Variants in CNBD2 observed in about 807,000 individuals in gnomAD.
CNBD2 encodes cyclic nucleotide binding domain containing 2.
CNBD2 carries 64 observed loss-of-function variants against 63.7 expected under a neutral mutation model. The ratio of observed to expected loss-of-function variants is 1.00; its 90% confidence interval spans 0.82 to 1.24. CNBD2 has a LOEUF of 1.24. Among genes scored for constraint, CNBD2 ranks in the 50% most tolerant of loss-of-function variants. The pLI is 0.00. For synonymous variants in CNBD2, 229 were observed against 255.4 expected, an observed-to-expected ratio of 0.90 and a Z score of 0.99; for missense variants, 691 against 713.5, an observed-to-expected ratio of 0.97 and a Z score of 0.36.
chr20:35,980,495 A>G lies in CNBD2; in HGVS notation c.280A>G (p.Lys94Glu). Residue 94 changes from lysine (K) to glutamate (E), a missense_variant, in exon 4 of 12, where the codon AAG becomes GAG. Transcript: ENST00000373973. Reference protein sequence around the residue: ...FPPKAIQIMQKKPSWRTEDEI... With the variant: ...FPPKAIQIMQEKPSWRTEDEI... The stretch of plus-strand genomic sequence containing the variant: ...TCCAAAGGCCATTCAGATCATGCAG[A>G]AGAAGCCTTCCTGGAGAACAGAGGA... 1 of 1,614,198 alleles carries G rather than the reference A, an allele frequency of 6.2e-7. No homozygotes were observed. Among genetic ancestry groups the G allele is most frequent in the Non-Finnish European group, 8.5e-7 (1 of 1,180,040 alleles).
intron 9 of CNBD2, among the ~76,000 whole-genome samples, chr20:36,010,363 CCTT>C (rs2057041386): frequency 6.6e-6 from 1 of 151,740 alleles, no homozygotes; most frequent in African/African-American, 2.4e-5. Flanking sequence ...TATGGATAAT[CCTT>C]CTGAAGAATC....
At chr20:35,957,899 A>T (rs2056272098), downstream of CNBD2, 1 of 152,112 alleles carries the variant, frequency 6.6e-6, no homozygotes, top group Admixed American at 6.5e-5. Context: ...ATCTCATATC[A>T]CTTAGCTTCC....
At chr20:35,993,101 C>T (rs887088577) in intron 7 of CNBD2, among the ~76,000 whole-genome samples, 2 of 151,968 alleles carry the variant, frequency 1.3e-5, no homozygotes, top group Non-Finnish European at 2.9e-5. Flanking sequence ...CTTGAGGAAA[C>T]CGGGCTCATG....
chr20:36,008,606 T>C, intron 9 of CNBD2, 132 bp downstream of exon 9: 1 of 852,856 alleles, frequency 1.2e-6, no homozygotes, highest in Non-Finnish European at 1.7e-6. Context: ...CAAAGGATTG[T>C]GCATGAGGCA....
At chr20:35,975,103 G>A (rs1250291004) in intron 2 of CNBD2, 1 of 138,332 alleles carries the variant, frequency 7.2e-6, no homozygotes, top group South Asian at 2.4e-4. Flanking sequence ...CCGGGTTCAC[G>A]CCATTCTCCT....
intron 11 of CNBD2, among the ~76,000 whole-genome samples, chr20:36,024,937 A>G (rs915963848): frequency 1.3e-5 from 2 of 152,244 alleles, no homozygotes; most frequent in South Asian, 4.1e-4. Flanking sequence ...TCTGTCTCAA[A>G]CAAAAATAAT....
Position 35,980,510 on chromosome 20 carries a change from A to C in CNBD2, c.295A>C (p.Arg99=), listed in dbSNP as rs1243501558. The C allele has an allele frequency of 6.2e-7, 1 of 1,614,090 alleles. No homozygotes were observed. Among genetic ancestry groups the C allele is most frequent in the Non-Finnish European group, 8.5e-7 (1 of 1,180,030 alleles). Residue 99 remains arginine, a synonymous_variant, in exon 4 of 12, where the codon AGA becomes CGA. Transcript: ENST00000373973. The part of the protein sequence containing the change: ...IQIMQKKPSW[R]TEDEIQAVCN... ...GATCATGCAGAAGAAGCCTTCCTGGAGAACAGAGGATGAGATCCAGGCCGT... is the reference window on the plus strand; with the variant it reads ...GATCATGCAGAAGAAGCCTTCCTGGCGAACAGAGGATGAGATCCAGGCCGT...
chr20:35,984,994 A>G (rs1424755036), intron 6 of CNBD2, among the ~76,000 whole-genome samples: 3 of 151,986 alleles, frequency 2.0e-5, no homozygotes, highest in African/African-American at 7.2e-5. Flanking sequence ...AAGTAATAGT[A>G]AGAATAGCTA....
At chr20:35,994,229 C>T (rs1408312216) in intron 7 of CNBD2, among the ~76,000 whole-genome samples, 4 of 152,076 alleles carry the variant, frequency 2.6e-5, no homozygotes, top group Middle Eastern at 6.8e-3. Flanking sequence ...CCACACCCGG[C>T]TAATTTTGTA....
At chr20:35,992,925 A>G (rs1365311915) in intron 7 of CNBD2, among the ~76,000 whole-genome samples, 1 of 152,058 alleles carries the variant, frequency 6.6e-6, no homozygotes, top group South Asian at 2.1e-4. Context: ...GGGCAAAATC[A>G]GCTGCGGGTG....
At chr20:35,983,949 C>T in intron 4 of CNBD2, 33 bp from the exon 5 acceptor site, 1 of 1,613,988 alleles carries the variant, frequency 6.2e-7, no homozygotes, top group South Asian at 1.1e-5. Flanking sequence ...CCCCATGTCA[C>T]TACCCAATCA....
chr20:35,972,697 CA>C lies in CNBD2; in HGVS notation c.121del (p.Arg41GlyfsTer102). 3.7e-6 allele frequency: 6 copies of C among 1,614,066 alleles called. No homozygotes were observed. The highest frequency in any genetic ancestry group is 5.1e-6 in the Non-Finnish European group (6 of 1,179,954). On this transcript the variant is annotated frameshift_variant, in exon 2 of 12. Transcript: ENST00000373973. LOFTEE classifies it high-confidence loss of function. ...TGTGTAAAATGTTCCGCCAAGGCCT[CA>C]GGGGATTCCGGGAATATCAAATCAT... The part of the protein sequence containing the change: ...RVCKMFRQGL[R>X]GFREYQIIET...
At chr20:35,988,670 T>C (rs1279516628) in intron 7 of CNBD2, among the ~76,000 whole-genome samples, 3 of 152,200 alleles carry the variant, frequency 2.0e-5, no homozygotes, top group Non-Finnish European at 4.4e-5. Context: ...CAATGGAGTC[T>C]TGCAGCCAGA....
At chr20:35,977,145 C>T (rs2056532314) in intron 3 of CNBD2, among the ~76,000 whole-genome samples, 1 of 152,194 alleles carries the variant, frequency 6.6e-6, no homozygotes, top group African/African-American at 2.4e-5. Context: ...AGCCACAGAA[C>T]TCTAGATATG....
Position 35,976,001 on chromosome 20 carries a change from A to C in CNBD2, c.242A>C (p.Glu81Ala), listed in dbSNP as rs772241180. 1.1e-5 allele frequency: 17 copies of C among 1,608,376 alleles called. No individual in the cohort carries two copies. In the South Asian group the frequency reaches 1.9e-4, roughly 18 times the overall value. Residue 81 changes from glutamate (E) to alanine (A), a missense_variant and splice_region_variant, in exon 3 of 12, where the codon GAG becomes GCG. By Grantham distance (107) the Glu-to-Ala change is moderately radical. Transcript: ENST00000373973. ...GATACCATGGACTTCATTGCAGAGGAGGTATGCATAGCTCGAAACTTGCTG... is the reference window on the plus strand; with the variant it reads ...GATACCATGGACTTCATTGCAGAGGCGGTATGCATAGCTCGAAACTTGCTG... ...TFDTMDFIAEEGHFPPKAIQI... is the reference protein window; with the variant it reads ...TFDTMDFIAEAGHFPPKAIQI...
intron 9 of CNBD2, among the ~76,000 whole-genome samples, chr20:36,010,200 C>A (rs186744503): frequency 3.3e-5 from 5 of 152,214 alleles, no homozygotes; most frequent in Admixed American, 3.3e-4. Context: ...CCCCCTGCTA[C>A]TTTTGAAATT....
At chr20:35,992,875 G>A (rs759786555) in intron 7 of CNBD2, among the ~76,000 whole-genome samples, 2 of 151,312 alleles carry the variant, frequency 1.3e-5, no homozygotes, top group Non-Finnish European at 2.9e-5. Flanking sequence ...GGGAGATCAA[G>A]CTGTCCCGAC....
At chr20:35,968,232 A>G (rs573994759), upstream of CNBD2, among the ~76,000 whole-genome samples, 4 of 152,294 alleles carry the variant, frequency 2.6e-5, no homozygotes, top group Admixed American at 2.6e-4. Flanking sequence ...AGAGTTTTCT[A>G]GGAAAGAGGT....
At chr20:35,965,431 G>C (rs973615791), upstream of CNBD2, among the ~76,000 whole-genome samples, 2 of 152,186 alleles carry the variant, frequency 1.3e-5, no homozygotes, top group Non-Finnish European at 2.9e-5. Context: ...ACCCGCATCA[G>C]CCTCCCAAAG....
Sources: allele counts gnomAD v4.1 joint callset (sites outside exome capture counted in the v4.1 genomes callset), GRCh38; gene constraint gnomAD v4.1.1; transcripts MANE v1.5; gene names NCBI Gene and HGNC (gene_info 2026-07-23, HGNC 2026-07-21).